USP54: variants seen among roughly 807,000 people sequenced by gnomAD.
The protein encoded by USP54 is ubiquitin carboxyl-terminal hydrolase 54.
A neutral mutation model predicts 170.5 loss-of-function variants in USP54; 87 were observed. The ratio of observed to expected loss-of-function variants is 0.51; its 90% CI spans 0.43 to 0.61. The LOEUF is 0.61. Ranked by LOEUF, USP54 falls within the 20% of genes least tolerant of loss-of-function variation. The probability of loss-of-function intolerance (pLI) is 0.00; values close to 1 mark genes in which losing one functional copy is unlikely to be tolerated. For missense variants in USP54, 1,786 were observed against 2,047.8 expected (o/e 0.87, Z 2.47); for synonymous variants, 655 against 742.8 (o/e 0.88, Z 1.92).
At chr10:73,601,758 G>C (rs2079181656) in intron 1 of USP54, among the ~76,000 whole-genome samples, 1 of 152,208 alleles carries the variant, frequency 6.6e-6, no homozygotes, top group Admixed American at 6.5e-5. Flanking sequence ...GCCAAAGTAA[G>C]TCTTTCCTTA....
rs1207037734 is a variant in USP54, at chr10:73,534,706, T to A, written c.1209A>T (p.Lys403Asn). Residue 403 changes from lysine to asparagine, a missense_variant, in exon 12 of 24, where the codon AAA (lysine) becomes AAT (asparagine). This residue lies in a region of USP54 where 1,418 missense variants were observed against 1,569.0 expected (regional missense o/e 0.90). Coordinates refer to ENST00000687698, the MANE Select transcript of USP54 (RefSeq NM_001391956.1). The part of the protein sequence containing the change: ...TDSSTESYPY[K>N]HSHHESVVSH... ...TGACCACAGACTCATGGTGGGAATG[T>A]TTGTAGGGATAGCTCTCCGTTGAGG... The A allele has an allele frequency of 6.2e-7, 1 of 1,613,902 alleles. No individual in the cohort carries two copies. Among genetic ancestry groups the A allele is most frequent in the Non-Finnish European group, 8.5e-7 (1 of 1,179,980 alleles).
chr10:73,622,875 T>C (rs2081203809), intron 1 of USP54, among the ~76,000 whole-genome samples: 1 of 151,062 alleles, frequency 6.6e-6, no homozygotes, highest in African/African-American at 2.4e-5. Context: ...CCCAGGAGAC[T>C]GAGGCTGCAG....
At chr10:73,566,583 T>C (rs937179264) in intron 4 of USP54, among the ~76,000 whole-genome samples, 3 of 151,532 alleles carry the variant, frequency 2.0e-5, no homozygotes, top group Non-Finnish European at 4.4e-5. Flanking sequence ...ATACAAAAAT[T>C]AGCCGGGCAT....
intron 15 of USP54, 110 bp downstream of exon 15, chr10:73,529,570 A>C (rs138710309): frequency 5.8e-6 from 7 of 1,212,174 alleles, no homozygotes; most frequent in African/African-American, 1.5e-5. Context: ...GCACATAGAG[A>C]TAATAGCAAA....
intron 1 of USP54, among the ~76,000 whole-genome samples, chr10:73,576,588 C>A (rs1256012246): frequency 6.7e-6 from 1 of 150,070 alleles, no homozygotes; most frequent in East Asian, 1.9e-4. Flanking sequence ...GGGGAAAATT[C>A]TCTGAAATTT....
intron 4 of USP54, among the ~76,000 whole-genome samples, chr10:73,560,833 G>A (rs973958109): frequency 4.6e-5 from 7 of 151,478 alleles, no homozygotes; most frequent in African/African-American, 9.7e-5. Context: ...GCCCGGGTAC[G>A]GTGGCTCACA....
At chr10:73,614,708 T>C (rs2080476530) in intron 1 of USP54, among the ~76,000 whole-genome samples, 1 of 150,282 alleles carries the variant, frequency 6.7e-6, no homozygotes, top group Non-Finnish European at 1.5e-5. Context: ...GTCAGTTGCA[T>C]ATTTGTGGAG....
rs758440555 is a variant in USP54, at chr10:73,575,661, T to C, written c.-3A>G. On this transcript the variant is annotated 5_prime_UTR_variant, in exon 3 of 24. Transcript: ENST00000687698. Reference sequence around the variant, plus strand: ...AAATAATTTCTCTTCCAAGACATTATTGTTCACATTTAGCCTGAAAAAAAA... The same window carrying C: ...AAATAATTTCTCTTCCAAGACATTACTGTTCACATTTAGCCTGAAAAAAAA... The C allele has an allele frequency of 1.3e-6, 2 of 1,597,942 alleles. No homozygotes were observed. The highest frequency in any genetic ancestry group is 1.8e-5 in the Admixed American group (1 of 56,744).
intron 1 of USP54, among the ~76,000 whole-genome samples, chr10:73,619,378 C>T (rs1314064668): frequency 2.0e-5 from 3 of 149,572 alleles, no homozygotes; most frequent in East Asian, 1.9e-4. Context: ...CAGGTGCATG[C>T]CACCAAATCC....
chr10:73,504,683 G>A (rs561768146), intron 22 of USP54, 167 bp downstream of exon 22: 2 of 918,296 alleles, frequency 2.2e-6, no homozygotes, highest in Non-Finnish European at 1.6e-6. Flanking sequence ...GGCTCCAGCT[G>A]AATGTTTGTA....
chr10:73,512,139 T>C (rs904110389), intron 20 of USP54, among the ~76,000 whole-genome samples: 5 of 152,116 alleles, frequency 3.3e-5, no homozygotes, highest in African/African-American at 1.2e-4. Context: ...TTCTATGTCA[T>C]ATCACTCCTC....
At chr10:73,532,837 A>AAC (rs2064314946) in intron 12 of USP54, among the ~76,000 whole-genome samples, 1 of 152,194 alleles carries the variant, frequency 6.6e-6, no homozygotes, top group Admixed American at 6.5e-5. Context: ...TAGAGGAAAA[A>AAC]ACAGTAGATT....
intron 1 of USP54, among the ~76,000 whole-genome samples, chr10:73,605,632 A>G (rs1403957166): frequency 2.0e-5 from 3 of 152,330 alleles, no homozygotes; most frequent in Non-Finnish European, 4.4e-5. Context: ...AAAATGTGGT[A>G]CATACATAGA....
chr10:73,623,694 A>G (rs549020536), intron 1 of USP54, among the ~76,000 whole-genome samples: 33 of 152,272 alleles, frequency 2.2e-4, no homozygotes, highest in African/African-American at 7.0e-4. Context: ...CAACTACTAT[A>G]TAAACTCTTC....
In USP54 at chr10:73,527,514, A is replaced by G. The variant is rs529131955; in HGVS notation, c.2061-734T>C. Among the ~76,000 whole-genome samples, 55 of 151,474 alleles carry G rather than the reference A, an allele frequency of 3.6e-4. 1 individual carries two copies. The highest frequency in any genetic ancestry group is 4.9e-4 in the Non-Finnish European group (33 of 67,828). Reference sequence around the variant, plus strand: ...ACTCCATCTCAAAAAAAAAAAAAAAAAAAAGAAAACAGAAAAATTGCCTCT... The same window carrying G: ...ACTCCATCTCAAAAAAAAAAAAAAAGAAAAGAAAACAGAAAAATTGCCTCT... On this transcript the variant is annotated intron_variant, in intron 15 of 23. Coordinates refer to ENST00000687698, the MANE Select transcript of USP54 (RefSeq NM_001391956.1).
intron 5 of USP54, 136 bp downstream of exon 5, chr10:73,545,402 G>T: frequency 8.2e-7 from 1 of 1,214,326 alleles, no homozygotes; most frequent in Non-Finnish European, 1.1e-6. Flanking sequence ...TTAGATCCCT[G>T]AAAAATCAGA....
rs1400231636 is a variant in USP54 at position 73,498,555 on chromosome 10, T to C, written c.*74A>G. The C allele has an allele frequency of 2.1e-6, 3 of 1,445,414 alleles. No homozygotes were observed. In the Admixed American group the frequency reaches 7.2e-5, roughly 35 times the overall value. The allele number at this position is 1,445,414 out of a possible 1,614,324, so 89.5% of individuals were successfully genotyped here. On this transcript the variant is annotated 3_prime_UTR_variant, in exon 24 of 24. Transcript: ENST00000687698. ...TCCCAAAGTGCTGGGATTACAGGTG[T>C]GAGCCACCGCGCCCGGCCCACAGTA...
chr10:73,526,578 G>C, intron 16 of USP54, 69 bp downstream of exon 16: 1 of 1,595,262 alleles, frequency 6.3e-7, no homozygotes, highest in South Asian at 1.1e-5. Context: ...AATGTGCTCA[G>C]GTAAGTCTGG....
intron 20 of USP54, among the ~76,000 whole-genome samples, chr10:73,512,780 T>C (rs976317872): frequency 1.3e-5 from 2 of 152,240 alleles, no homozygotes; most frequent in Non-Finnish European, 2.9e-5. Context: ...TAATGGTCAG[T>C]AAGTACTCTT....
Sources: gnomAD v4.1 joint callset for allele counts (sites outside exome capture counted in the v4.1 genomes callset) on GRCh38, gnomAD v4.1.1 for gene constraint, gnomAD v4.1.1 regional missense constraint, MANE v1.5 for transcripts, NCBI Gene and HGNC (gene_info 2026-07-23, HGNC 2026-07-21) for gene names.